The following MYO7A variants were observed in gnomAD, a reference collection of about 807,000 sequenced individuals.
The protein encoded by MYO7A is unconventional myosin-VIIa.
In MYO7A, 210 loss-of-function variants were observed where a neutral mutation model predicts 263.8. That is an observed-to-expected ratio of 0.80 (90% CI 0.71 to 0.89). The LOEUF is 0.89. MYO7A is among the 40% of genes least tolerant of loss of function. The pLI is 0.00. For missense variants in MYO7A, 2,820 were observed against 2,968.3 expected, an observed-to-expected ratio of 0.95 and a Z score of 1.16; for synonymous variants, 1,239 against 1,197.3, an observed-to-expected ratio of 1.03 and a Z score of -0.72.
At chr11:77,184,927 C>T in intron 27 of MYO7A, 1 of 830,190 alleles carries the variant, frequency 1.2e-6, no homozygotes, top group South Asian at 1.4e-5. Context: ...ACAGGCATCC[C>T]TTGGAGATAT....
chr11:77,144,143 C>G (rs1158045017), intron 3 of MYO7A, among the ~76,000 whole-genome samples: 1 of 152,200 alleles, frequency 6.6e-6, no homozygotes, highest in Non-Finnish European at 1.5e-5. Flanking sequence ...TCAGCATTAT[C>G]TCAGCGGCGA....
Position 77,179,120 on chromosome 11 carries a change from C to A in MYO7A, c.2358C>A (p.Asn786Lys). The A allele has an allele frequency of 6.2e-7, 1 of 1,601,440 alleles. No homozygotes were observed. The highest frequency in any genetic ancestry group is 2.3e-5 in the East Asian group (1 of 44,388). Residue 786 changes from asparagine (N) to lysine (K), a missense_variant, in exon 20 of 49, where the codon AAC (asparagine) becomes AAA (lysine). Transcript: ENST00000409709. ...RHWRGHNCRK[N>K]YGLMRLGFLR... ...GGCGGGGTCACAACTGTAGGAAGAA[C>A]TACGGGCTGGTGAGCCTCCCCATGG...
chr11:77,205,087 A>G (rs565874255), intron 39 of MYO7A, among the ~76,000 whole-genome samples: 3 of 152,340 alleles, frequency 2.0e-5, no homozygotes, highest in Admixed American at 2.0e-4. Flanking sequence ...CTGCGAAAAT[A>G]TAAATCACAC....
At chr11:77,169,479 T>C (rs1953874851) in intron 15 of MYO7A, among the ~76,000 whole-genome samples, 1 of 152,206 alleles carries the variant, frequency 6.6e-6, no homozygotes, top group Admixed American at 6.5e-5. Flanking sequence ...CATGTCACGC[T>C]CTGGGGTCTT....
Position 77,205,523 on chromosome 11 carries a change from A to G in MYO7A, c.5542A>G (p.Asn1848Asp). The change falls in exon 40 of 49, where the codon AAC becomes GAC. Residue 1848 changes from asparagine (N) to aspartate (D), a missense_variant. Physicochemically the swap from Asn to Asp is conservative, Grantham distance 23. Transcript: ENST00000409709. ...WLCTGLFPPS[N>D]ILLPHVQRFL... ...GTGCACGGGCCTTTTCCCACCCAGC[A>G]ACATCCTCCTGCCCCACGTGCAGCG... The G allele has an allele frequency of 1.2e-6, 2 of 1,606,108 alleles. No homozygotes were observed. The highest frequency in any genetic ancestry group is 1.3e-5 in the African/African-American group (1 of 74,812).
At chr11:77,195,241 G>A (rs954596478) in intron 32 of MYO7A, among the ~76,000 whole-genome samples, 1 of 151,942 alleles carries the variant, frequency 6.6e-6, no homozygotes, top group Non-Finnish European at 1.5e-5. Flanking sequence ...TCAGCTCCCC[G>A]CCAGCCTCTG....
intron 3 of MYO7A, among the ~76,000 whole-genome samples, chr11:77,144,151 CG>C (rs1183684467): frequency 1.3e-5 from 2 of 152,124 alleles, no homozygotes; most frequent in Non-Finnish European, 2.9e-5. Flanking sequence ...ATCTCAGCGG[CG>C]ACTTTGGAGC....
At chr11:77,171,846 G>A (rs1555076184) in intron 15 of MYO7A, among the ~76,000 whole-genome samples, 2 of 152,180 alleles carry the variant, frequency 1.3e-5, no homozygotes, top group African/African-American at 4.8e-5. Flanking sequence ...TGCGGCTCAG[G>A]GCTTCCCCCA....
In MYO7A at chr11:77,177,609, C is replaced by T. The variant is rs1224881006; in HGVS notation, c.2248C>T (p.Leu750Phe). 1.9e-6 allele frequency: 3 copies of T among 1,611,894 alleles called. No individual in the cohort carries two copies. The highest frequency in any genetic ancestry group is 2.7e-5 in the African/African-American group (2 of 74,990). Residue 750 changes from leucine to phenylalanine, a missense_variant, in exon 19 of 49, where the codon CTC (leucine) becomes TTC (phenylalanine). Leu to Phe is a conservative substitution (Grantham distance 22). Transcript: ENST00000409709. Reference sequence around the variant, plus strand: ...CAAAGCCATCACCGACAGAGTCATCCTCCTTCAGAAAGTCATCCGGGGATT... The same window carrying T: ...CAAAGCCATCACCGACAGAGTCATCTTCCTTCAGAAAGTCATCCGGGGATT... The part of the protein sequence containing the change: ...RDKAITDRVI[L>F]LQKVIRGFKD...
At chr11:77,199,954 C>A in intron 35 of MYO7A, 136 bp downstream of exon 35, 2 of 979,920 alleles carry the variant, frequency 2.0e-6, no homozygotes, top group Non-Finnish European at 2.9e-6. Flanking sequence ...ATTTGGCTCA[C>A]AGTTCTGCAG....
intron 37 of MYO7A, 100 bp downstream of exon 37, chr11:77,202,524 C>T (rs945495730): frequency 6.9e-7 from 1 of 1,450,732 alleles, no homozygotes; most frequent in African/African-American, 1.4e-5. Flanking sequence ...AAGCCCCCAC[C>T]TGTGAGCAGG....
chr11:77,189,105 G>A (rs1471557695), intron 27 of MYO7A, among the ~76,000 whole-genome samples: 6 of 152,310 alleles, frequency 3.9e-5, no homozygotes, highest in South Asian at 2.1e-4. Context: ...GTGGGGCCCT[G>A]GCTGTGGGAA....
chr11:77,159,631 T>C lies in MYO7A; in HGVS notation c.1080+108T>C. The C allele has an allele frequency of 3.5e-6, 4 of 1,137,174 alleles. No individual in the cohort carries two copies. The South Asian group carries it at 5.6e-5, about 16-fold the overall frequency. 70.4% of individuals were successfully genotyped at this position (1,137,174 alleles called of 1,614,324 possible). On this transcript the variant is annotated intron_variant, in intron 10 of 48. Transcript: ENST00000409709. ...GAACCACATTGCTGGGACCCTCTGG[T>C]TTGGAGAGTTCTGTTCAATATGGAG...
chr11:77,201,628 G>C lies in MYO7A; in HGVS notation c.5033G>C (p.Arg1678Pro). ...ATGCCCACTGTCACCATGCCACCGC[G>C]GGAGATTGTGGTATGTGGCCTGGGG... ...YVMPTVTMPP[R>P]EIVALVTMTP... Residue 1678 changes from arginine (R) to proline (P), a missense_variant, in exon 36 of 49, where the codon CGG becomes CCG. Arg to Pro is a moderately radical substitution (Grantham distance 103). Coordinates refer to ENST00000409709, the MANE Select transcript of MYO7A (RefSeq NM_000260.4). 1 of 1,613,060 alleles carries C rather than the reference G, an allele frequency of 6.2e-7. No homozygotes were observed. Among genetic ancestry groups the C allele is most frequent in the Non-Finnish European group, 8.5e-7 (1 of 1,179,244 alleles).
chr11:77,207,431 G>T (rs1351871373), intron 42 of MYO7A, 29 bp downstream of exon 42: 1 of 1,494,334 alleles, frequency 6.7e-7, no homozygotes, highest in South Asian at 1.2e-5. Context: ...TCGCCAAGGT[G>T]GGAGATTTGC....
At position 77,160,126 on chromosome 11, in the gene MYO7A, GC is replaced by G. The variant is rs538218567; in HGVS notation, c.1081-36del. On this transcript the variant is annotated intron_variant, in intron 10 of 48. Transcript: ENST00000409709. ...CGGGTGTGGGTGGAGGGAGGGGCAG[GC>G]TGGCAGGTGAGCACCTGGGGTGTTG... 53 of 1,541,584 alleles carry G rather than the reference GC, an allele frequency of 3.4e-5. No individual in the cohort carries two copies. In the Admixed American group the frequency reaches 1.0e-3, roughly 29 times the overall value.
intron 16 of MYO7A, 108 bp from the exon 17 acceptor site, chr11:77,174,648 G>C (rs527308641): frequency 1.7e-6 from 2 of 1,184,510 alleles, no homozygotes; most frequent in East Asian, 2.6e-5. Flanking sequence ...CTCCCATGCC[G>C]TGTGGACTTG....
At chr11:77,194,731 C>T (rs1050688511) in intron 32 of MYO7A, among the ~76,000 whole-genome samples, 2 of 152,210 alleles carry the variant, frequency 1.3e-5, no homozygotes, top group African/African-American at 2.4e-5. Context: ...ACCTTGCAGC[C>T]TCTGTGGGGC....
rs1293481135 is a variant in MYO7A, at chr11:77,214,652, C to T, written c.6604C>T (p.Leu2202Phe). Residue 2202 changes from leucine (L) to phenylalanine (F), a missense_variant, in exon 49 of 49, where the codon CTC becomes TTC. Transcript: ENST00000409709. ...DLLTSYISQM[L>F]TAMSKQRGSR... ...CCTGACTTCCTACATTAGCCAGATG[C>T]TCACAGCCATGAGCAAACAGCGGGG... 1.3e-6 allele frequency: 2 copies of T among 1,589,482 alleles called. No individual in the cohort carries two copies. The highest frequency in any genetic ancestry group is 1.3e-5 in the African/African-American group (1 of 74,528).
Sources: allele counts gnomAD v4.1 joint callset (sites outside exome capture counted in the v4.1 genomes callset), GRCh38; gene constraint gnomAD v4.1.1; transcripts MANE v1.5; gene names NCBI Gene and HGNC (gene_info 2026-07-23, HGNC 2026-07-21).